Variants in TCF4 observed in about 807,000 individuals in gnomAD.
TCF4 encodes SL3-3 enhancer factor 2.
In TCF4, 3 loss-of-function variants were observed where a neutral mutation model predicts 82.1. That is an observed-to-expected ratio of 0.04 (90% CI 0.02 to 0.09). TCF4 has a LOEUF of 0.09. Ranked by LOEUF, TCF4 falls within the 10% of genes least tolerant of loss-of-function variation. The pLI is 1.00. For synonymous variants in TCF4, 276 were observed against 309.6 expected (o/e 0.89, Z 1.14); for missense variants, 518 against 852.7 (o/e 0.61, Z 4.89).
At chr18:55,363,250 G>A (rs2085954778) in intron 6 of TCF4, among the ~76,000 whole-genome samples, 1 of 151,914 alleles carries the variant, frequency 6.6e-6, no homozygotes, top group Admixed American at 6.6e-5. Flanking sequence ...TTTATGGCGA[G>A]GCTGTCATTG....
chr18:55,261,450 G>C lies in TCF4; in HGVS notation c.990+16C>G. ...TACAATGGTACATATGGAGTCCAAAGTCAATATTTCCTCACCGAAGCAAGT... is the reference window on the plus strand; with the variant it reads ...TACAATGGTACATATGGAGTCCAAACTCAATATTTCCTCACCGAAGCAAGT... On this transcript the variant is annotated intron_variant, in intron 12 of 19. Coordinates refer to ENST00000354452, the MANE Select transcript of TCF4 (RefSeq NM_001083962.2). The C allele has an allele frequency of 6.2e-7, 1 of 1,613,738 alleles. No homozygotes were observed. The highest frequency in any genetic ancestry group is 8.5e-7 in the Non-Finnish European group (1 of 1,179,708).
intron 5 of TCF4, among the ~76,000 whole-genome samples, chr18:55,405,284 A>G (rs1276930108): frequency 6.6e-6 from 1 of 152,174 alleles, no homozygotes; most frequent in Non-Finnish European, 1.5e-5. Context: ...CAATATCACC[A>G]TTACATCACT....
At chr18:55,317,420 A>G (rs2074416546) in intron 8 of TCF4, among the ~76,000 whole-genome samples, 1 of 152,042 alleles carries the variant, frequency 6.6e-6, no homozygotes, top group South Asian at 2.1e-4. Flanking sequence ...TATAAGAAAT[A>G]TATTTTTAAA....
rs138425500 is a variant in TCF4 at position 55,581,735 on chromosome 18, T to C, written c.145+3545A>G. 4.7e-3 allele frequency among the ~76,000 whole-genome samples: 712 copies of C among 152,214 alleles called. 4 individuals are homozygous for C. The highest frequency in any genetic ancestry group is 0.015 in the African/African-American group (642 of 41,540). On this transcript the variant is annotated intron_variant, in intron 3 of 19. Coordinates refer to ENST00000354452, the MANE Select transcript of TCF4 (RefSeq NM_001083962.2). ...TCACTAAATTGGCATATTATGTTGG[T>C]GTCATGTGGATATAGGTTAGCTAAC...
chr18:55,621,514 T>TATAATATATTATATATAATGTACATTA (rs1555791430), intron 2 of TCF4, among the ~76,000 whole-genome samples: 1 of 17,864 alleles, frequency 5.6e-5, no homozygotes, highest in African/African-American at 2.7e-4. Flanking sequence ...TATATATATA[T>TATAATATATTATATATAATGTACATTA]TATATAATAT....
At chr18:55,554,345 T>C (rs1331573251) in intron 3 of TCF4, among the ~76,000 whole-genome samples, 1 of 152,090 alleles carries the variant, frequency 6.6e-6, no homozygotes, top group Non-Finnish European at 1.5e-5. Context: ...AATTTATTAA[T>C]AAACACTAGT....
At chr18:55,589,196 A>C, upstream of TCF4, 1 of 909,878 alleles carries the variant, frequency 1.1e-6, no homozygotes, top group Non-Finnish European at 1.3e-6. Flanking sequence ...GCAATTATTT[A>C]ATAGGTTGTC....
intron 11 of TCF4, chr18:55,265,657 A>G (rs2058999318): frequency 6.6e-6 from 1 of 152,162 alleles, no homozygotes. Flanking sequence ...ATATTCTTGT[A>G]AAATATAAAG....
At chr18:55,477,192 A>G (rs1386464227) in intron 3 of TCF4, among the ~76,000 whole-genome samples, 1 of 152,226 alleles carries the variant, frequency 6.6e-6, no homozygotes, top group Non-Finnish European at 1.5e-5. Context: ...TTTAAAATGC[A>G]ATATCTGGGA....
intron 3 of TCF4, chr18:55,510,508 T>TA (rs2096814729): frequency 5.1e-6 from 6 of 1,184,348 alleles, no homozygotes; most frequent in African/African-American, 1.6e-5. Flanking sequence ...CTTCTAAGGA[T>TA]ACAGAAGTCG....
At chr18:55,251,481 A>C (rs1456654930) in intron 15 of TCF4, among the ~76,000 whole-genome samples, 3 of 152,182 alleles carry the variant, frequency 2.0e-5, no homozygotes, top group Admixed American at 6.6e-5. Context: ...AGTTTTCCCC[A>C]CCACAACTTC....
At chr18:55,473,502 C>A (rs1457021529) in intron 3 of TCF4, among the ~76,000 whole-genome samples, 1 of 152,184 alleles carries the variant, frequency 6.6e-6, no homozygotes, top group African/African-American at 2.4e-5. Flanking sequence ...TCCACCACAA[C>A]CCCTTTTGCT....
intron 8 of TCF4, among the ~76,000 whole-genome samples, chr18:55,323,286 G>A (rs553288028): frequency 3.7e-4 from 57 of 152,228 alleles, no homozygotes; most frequent in Non-Finnish European, 7.4e-4. Flanking sequence ...AATGCCACCC[G>A]AGCATACATC....
At chr18:55,551,470 G>A (rs1198036225) in intron 3 of TCF4, 1 of 152,468 alleles carries the variant, frequency 6.6e-6, no homozygotes, top group African/African-American at 2.4e-5. Flanking sequence ...AGGTCACAAT[G>A]TTAGCGAATG....
intron 3 of TCF4, among the ~76,000 whole-genome samples, chr18:55,467,334 T>G (rs1294367290): frequency 6.6e-6 from 1 of 152,190 alleles, no homozygotes; most frequent in Non-Finnish European, 1.5e-5. Context: ...ACTATTCCAG[T>G]GCACCACCAA....
intron 6 of TCF4, among the ~76,000 whole-genome samples, chr18:55,380,075 T>C (rs1300354047): frequency 3.9e-5 from 6 of 151,984 alleles, no homozygotes; most frequent in African/African-American, 1.2e-4. Flanking sequence ...GAGACAGGGT[T>C]TCATCGTGTT....
chr18:55,541,267 T>C (rs1342778526), intron 3 of TCF4, among the ~76,000 whole-genome samples: 2 of 152,022 alleles, frequency 1.3e-5, no homozygotes, highest in African/African-American at 4.8e-5. Context: ...TAGGATTCCC[T>C]TTTTACACTA....
chr18:55,512,077 T>C (rs1321541967), intron 3 of TCF4, among the ~76,000 whole-genome samples: 3 of 152,146 alleles, frequency 2.0e-5, no homozygotes, highest in Non-Finnish European at 4.4e-5. Flanking sequence ...CCAGATACTA[T>C]GTCGACTACC....
intron 2 of TCF4, among the ~76,000 whole-genome samples, chr18:55,616,357 C>T (rs1442895737): frequency 6.6e-6 from 1 of 151,994 alleles, no homozygotes; most frequent in East Asian, 1.9e-4. Flanking sequence ...TTCTCTTTAT[C>T]TGTTCATCCA....
Sources: allele counts gnomAD v4.1 joint callset (sites outside exome capture counted in the v4.1 genomes callset), GRCh38; gene constraint gnomAD v4.1.1; transcripts MANE v1.5; gene names NCBI Gene and HGNC (gene_info 2026-07-23, HGNC 2026-07-21).